Variants in SFT2D2 observed in about 807,000 individuals in gnomAD.
The protein encoded by SFT2D2 is vesicle transport protein SFT2B.
In SFT2D2, 21 loss-of-function variants were observed where a neutral mutation model predicts 27.4. That is an observed-to-expected ratio of 0.77 (90% confidence interval 0.54 to 1.10). The LOEUF (loss-of-function observed/expected upper bound fraction) is 1.10. Ranked by LOEUF, SFT2D2 falls within the 50% of genes least tolerant of loss-of-function variation. The probability of loss-of-function intolerance (pLI) is 0.00; values close to 1 mark genes in which losing one functional copy is unlikely to be tolerated. For synonymous variants in SFT2D2, 72 were observed against 71.7 expected, an observed-to-expected ratio of 1.00 and a Z score of -0.02; for missense variants, 187 against 194.2, an observed-to-expected ratio of 0.96 and a Z score of 0.22.
intron 3 of SFT2D2, 39 bp downstream of exon 3, chr1:168,231,958 AG>A (rs753636762): frequency 7.3e-5 from 115 of 1,569,580 alleles, no homozygotes; most frequent in Non-Finnish European, 9.6e-5. Flanking sequence ...GCCAATCATT[AG>A]ATGGGAAAAT....
At chr1:168,226,381 A>C (rs569987244) in intron 1 of SFT2D2, among the ~76,000 whole-genome samples, 1 of 152,024 alleles carries the variant, frequency 6.6e-6, no homozygotes, top group Non-Finnish European at 1.5e-5. Context: ...GGGGCGGCGC[A>C]GGAGGAAATC....
intron 6 of SFT2D2, among the ~76,000 whole-genome samples, chr1:168,238,777 T>C (rs934053121): frequency 2.0e-5 from 3 of 152,212 alleles, no homozygotes; most frequent in African/African-American, 7.2e-5. Flanking sequence ...TTTTTCAGAA[T>C]AGAGTTTCTG....
intron 1 of SFT2D2, among the ~76,000 whole-genome samples, chr1:168,229,283 G>A (rs1404033047): frequency 9.2e-5 from 14 of 152,148 alleles, no homozygotes; most frequent in Non-Finnish European, 1.6e-4. Context: ...GCAGTGGCTC[G>A]ATCTCGGCTC....
intron 1 of SFT2D2, among the ~76,000 whole-genome samples, chr1:168,230,412 T>A (rs1337347212): frequency 4.6e-5 from 7 of 152,208 alleles, no homozygotes; most frequent in Admixed American, 4.6e-4. Context: ...TTGTCCAGCT[T>A]GGAACAACTG....
intron 6 of SFT2D2, among the ~76,000 whole-genome samples, chr1:168,237,857 GTA>G (rs1491583102): frequency 8.6e-6 from 1 of 116,804 alleles, no homozygotes; most frequent in African/African-American, 3.1e-5. Context: ...GTGTGTGTGT[GTA>G]TGTTTTTTTT....
intron 3 of SFT2D2, among the ~76,000 whole-genome samples, chr1:168,232,747 A>G (rs1647359464): frequency 6.6e-6 from 1 of 152,196 alleles, no homozygotes; most frequent in African/African-American, 2.4e-5. Flanking sequence ...CAGAGGATAC[A>G]AAGACAAGTC....
chr1:168,239,878 T>TA (rs1016145028), intron 7 of SFT2D2, among the ~76,000 whole-genome samples: 4 of 151,540 alleles, frequency 2.6e-5, no homozygotes, highest in Non-Finnish European at 4.4e-5. Flanking sequence ...ACAAGCTTTT[T>TA]AAAAAAACTG....
At position 168,242,465 on chromosome 1, in the gene SFT2D2, G is replaced by T; in HGVS notation, c.444-36G>T. 3 of 1,613,834 alleles carry T rather than the reference G, an allele frequency of 1.9e-6. No individual in the cohort carries two copies. The South Asian group carries it at 3.3e-5, about 18-fold the overall frequency. Reference sequence around the variant, plus strand: ...TCTAAAGGAGTGCCTTTGGGGTGATGACGTTCCACTCATCTTTGTGTCTTT... The same window carrying T: ...TCTAAAGGAGTGCCTTTGGGGTGATTACGTTCCACTCATCTTTGTGTCTTT... On this transcript the variant is annotated intron_variant, in intron 7 of 7. Coordinates refer to ENST00000271375, the MANE Select transcript of SFT2D2 (RefSeq NM_199344.3).
intron 1 of SFT2D2, 27 bp from the exon 2 acceptor site, chr1:168,231,487 T>C (rs373605502): frequency 6.4e-7 from 1 of 1,555,550 alleles, no homozygotes; most frequent in Non-Finnish European, 8.9e-7. Context: ...TGTGTGTGTA[T>C]ATGTATTTTT....
intron 1 of SFT2D2, among the ~76,000 whole-genome samples, chr1:168,228,514 A>G (rs926177491): frequency 1.3e-5 from 2 of 152,150 alleles, no homozygotes; most frequent in Non-Finnish European, 2.9e-5. Flanking sequence ...TGTGATTGAT[A>G]CCTCATCTTC....
chr1:168,238,516 A>C (rs142986924), intron 6 of SFT2D2, among the ~76,000 whole-genome samples: 1,779 of 151,962 alleles, frequency 0.012, 19 homozygotes, highest in African/African-American at 0.032. Flanking sequence ...AACAAACAAA[A>C]AAAAACATTA....
rs1647515683 is a variant in SFT2D2 at position 168,236,778 on chromosome 1, A to G, written c.413+8A>G. 1 of 1,613,610 alleles carries G rather than the reference A, an allele frequency of 6.2e-7. No individual in the cohort carries two copies. The highest frequency in any genetic ancestry group is 1.3e-5 in the African/African-American group (1 of 74,688). On this transcript the variant is annotated splice_region_variant and intron_variant, in intron 6 of 7. Transcript: ENST00000271375. ...GTCTTTGGCATTGACGTGGTAAGTA[A>G]CCTTTTAAACAATCCCCTCCCACAT...
In SFT2D2 at chr1:168,244,713, G is replaced by A. The variant is rs1647761875; in HGVS notation, c.*2173G>A. 1 of 152,228 alleles carries A rather than the reference G, an allele frequency of 6.6e-6. No homozygotes were observed. The highest frequency in any genetic ancestry group is 1.5e-5 in the Non-Finnish European group (1 of 68,094). The allele number at this position is 152,228 out of a possible 1,614,324, so 9.4% of individuals were successfully genotyped here. A position where few individuals can be genotyped will look rare whatever the true frequency, so the allele number is the denominator to read the frequency against. ...TCTCAGAAGGGCTGTGGTGTCAGAAGGGACATGGAGGAGGTCAGGAGGGCT... is the reference window on the plus strand; with the variant it reads ...TCTCAGAAGGGCTGTGGTGTCAGAAAGGACATGGAGGAGGTCAGGAGGGCT... On this transcript the variant is annotated 3_prime_UTR_variant, in exon 8 of 8. Coordinates refer to ENST00000271375, the MANE Select transcript of SFT2D2 (RefSeq NM_199344.3).
At chr1:168,237,305 G>A (rs893050927) in intron 6 of SFT2D2, among the ~76,000 whole-genome samples, 2 of 152,228 alleles carry the variant, frequency 1.3e-5, no homozygotes, top group Admixed American at 1.3e-4. Flanking sequence ...ATCAGCGTAT[G>A]TGCTCAGAGG....
chr1:168,237,809 AG>A (rs1482012082), intron 6 of SFT2D2, among the ~76,000 whole-genome samples: 3 of 151,766 alleles, frequency 2.0e-5, no homozygotes, highest in African/African-American at 7.3e-5. Context: ...GTTAAGTATA[AG>A]ATATGGAGAA....
At position 168,236,570 on chromosome 1, in the gene SFT2D2, G is replaced by A. The variant is rs1334048536; in HGVS notation, c.319-19G>A. ...TGCCATGTTATTGTCATTAATTAAT[G>A]TTTCCTTTCTTCCTTTAGTTGTGTT... On this transcript the variant is annotated intron_variant, in intron 4 of 7. Transcript: ENST00000271375. 14 of 1,606,352 alleles carry A rather than the reference G, an allele frequency of 8.7e-6. No individual in the cohort carries two copies. In the South Asian group the frequency reaches 1.5e-4, roughly 18 times the overall value.
intron 1 of SFT2D2, among the ~76,000 whole-genome samples, chr1:168,228,748 T>A (rs368190610): frequency 2.1e-4 from 32 of 152,316 alleles, no homozygotes; most frequent in African/African-American, 7.7e-4. Flanking sequence ...TCTCTCCACA[T>A]CACAGAGTGA....
chr1:168,234,586 A>G (rs1327533225), intron 3 of SFT2D2, among the ~76,000 whole-genome samples: 2 of 152,210 alleles, frequency 1.3e-5, no homozygotes, highest in East Asian at 3.9e-4. Flanking sequence ...TTTAGCAAAC[A>G]TTCAACAAAT....
chr1:168,241,202 A>ATT (rs1647634768), intron 7 of SFT2D2, among the ~76,000 whole-genome samples: 1 of 81,308 alleles, frequency 1.2e-5, no homozygotes, highest in African/African-American at 4.2e-5. Context: ...CCACCCTTCT[A>ATT]TTCTTTTTTT....
Sources: gnomAD v4.1 joint callset for allele counts (sites outside exome capture counted in the v4.1 genomes callset) on GRCh38, gnomAD v4.1.1 for gene constraint, MANE v1.5 for transcripts, NCBI Gene and HGNC (gene_info 2026-07-23, HGNC 2026-07-21) for gene names.